Variants in GRXCR1 observed in about 807,000 individuals in gnomAD.
The protein encoded by GRXCR1 is glutaredoxin and cysteine rich domain containing 1.
In GRXCR1, 27 loss-of-function variants were observed where a neutral mutation model predicts 27.3. The ratio of observed to expected loss-of-function variants is 0.99; its 90% CI spans 0.73 to 1.37. The LOEUF (loss-of-function observed/expected upper bound fraction) is 1.37, where lower values mean the gene tolerates loss of function less well. Among genes scored for constraint, GRXCR1 ranks in the 40% most tolerant of loss-of-function variants. GRXCR1 has a pLI of 0.00. For missense variants in GRXCR1, 379 were observed against 354.4 expected, an observed-to-expected ratio of 1.07 and a Z score of -0.56; for synonymous variants, 122 against 131.1, an observed-to-expected ratio of 0.93 and a Z score of 0.47.
intron 2 of GRXCR1, among the ~76,000 whole-genome samples, chr4:42,998,697 C>T (rs1315134783): frequency 1.3e-5 from 2 of 152,314 alleles, no homozygotes; most frequent in East Asian, 3.9e-4. Context: ...CCAAACATTT[C>T]ATGTGTTCTG....
At chr4:42,952,188 T>C (rs1747897278) in intron 1 of GRXCR1, among the ~76,000 whole-genome samples, 1 of 152,156 alleles carries the variant, frequency 6.6e-6, no homozygotes, top group Non-Finnish European at 1.5e-5. Flanking sequence ...CCCAAACAAA[T>C]GTGAAGGGCA....
intron 2 of GRXCR1, among the ~76,000 whole-genome samples, chr4:43,015,868 T>C (rs1415533198): frequency 1.3e-5 from 2 of 152,090 alleles, no homozygotes; most frequent in Admixed American, 6.5e-5. Context: ...ATGTGAACTT[T>C]ATTTTTAGTC....
At chr4:43,021,693 A>G (rs189099179) in intron 3 of GRXCR1, among the ~76,000 whole-genome samples, 309 of 152,308 alleles carry the variant, frequency 2.0e-3, no homozygotes, top group Non-Finnish European at 3.5e-3. Flanking sequence ...TTGTGGTTCA[A>G]TGAGGATGAT....
At chr4:42,935,805 G>A (rs1747442811) in intron 1 of GRXCR1, among the ~76,000 whole-genome samples, 1 of 151,904 alleles carries the variant, frequency 6.6e-6, no homozygotes, top group African/African-American at 2.4e-5. Context: ...TTACTTGGAA[G>A]TCTAGTGTTC....
intron 1 of GRXCR1, among the ~76,000 whole-genome samples, chr4:42,913,270 C>T (rs143447279): frequency 1.3e-5 from 2 of 152,114 alleles, no homozygotes; most frequent in Non-Finnish European, 2.9e-5. Context: ...CAGAAGAAGA[C>T]AGGAAGATGT....
intron 2 of GRXCR1, among the ~76,000 whole-genome samples, chr4:42,987,993 T>C (rs955292707): frequency 3.9e-5 from 6 of 152,186 alleles, no homozygotes; most frequent in Non-Finnish European, 7.4e-5. Context: ...CTCCTTGCTC[T>C]TCTCATTGGG....
At chr4:42,907,400 G>A (rs990692391) in intron 1 of GRXCR1, among the ~76,000 whole-genome samples, 1 of 152,156 alleles carries the variant, frequency 6.6e-6, no homozygotes, top group African/African-American at 2.4e-5. Flanking sequence ...TTCCCACACT[G>A]CTGTTGGCTT....
intron 1 of GRXCR1, among the ~76,000 whole-genome samples, chr4:42,903,308 ATTTTTTTTTTTT>A (rs35512711): frequency 1.6e-5 from 1 of 63,176 alleles, no homozygotes; most frequent in African/African-American, 5.4e-5. Context: ...AGCTTTGTAG[ATTTTTTTTTTTT>A]TTTTTTTTTT....
intron 1 of GRXCR1, among the ~76,000 whole-genome samples, chr4:42,958,313 A>C (rs560909624): frequency 1.3e-5 from 2 of 152,044 alleles, no homozygotes; most frequent in African/African-American, 4.8e-5. Context: ...TTTTGAACAA[A>C]GGGACTAAGA....
At chr4:42,958,455 C>A (rs1040848338) in intron 1 of GRXCR1, among the ~76,000 whole-genome samples, 1 of 151,832 alleles carries the variant, frequency 6.6e-6, no homozygotes, top group African/African-American at 2.4e-5. Context: ...TATAAAACTC[C>A]TAGAAAACAT....
At chr4:42,903,380 C>T (rs1195875075) in intron 1 of GRXCR1, among the ~76,000 whole-genome samples, 6 of 131,642 alleles carry the variant, frequency 4.6e-5, no homozygotes, top group Admixed American at 2.6e-4. Context: ...GGCATGATCT[C>T]GGCTCACTGC....
intron 1 of GRXCR1, among the ~76,000 whole-genome samples, chr4:42,914,810 G>C (rs1359755603): frequency 6.6e-6 from 1 of 152,124 alleles, no homozygotes; most frequent in Non-Finnish European, 1.5e-5. Context: ...CTGGGACCAG[G>C]TGGAGATAAT....
At chr4:42,980,009 A>T (rs1298651863) in intron 2 of GRXCR1, among the ~76,000 whole-genome samples, 2 of 151,774 alleles carry the variant, frequency 1.3e-5, no homozygotes, top group Admixed American at 6.6e-5. Context: ...CAATTGTAAC[A>T]TCTCCTTTTT....
intron 1 of GRXCR1, among the ~76,000 whole-genome samples, chr4:42,953,336 A>G (rs939239539): frequency 6.6e-6 from 1 of 152,186 alleles, no homozygotes; most frequent in Admixed American, 6.5e-5. Context: ...CTAGAAAGCA[A>G]TAAGTCTTCC....
chr4:43,016,215 T>C (rs1172218786), intron 2 of GRXCR1, among the ~76,000 whole-genome samples: 1 of 152,204 alleles, frequency 6.6e-6, no homozygotes, highest in Non-Finnish European at 1.5e-5. Context: ...CAACCCAAAC[T>C]GCTATGCAGA....
intron 2 of GRXCR1, among the ~76,000 whole-genome samples, chr4:42,982,055 C>CTTT (rs200126018): frequency 1.0e-4 from 15 of 146,106 alleles, no homozygotes; most frequent in African/African-American, 3.0e-4. Flanking sequence ...CTTTCTCCTT[C>CTTT]TTTTTTTTTT....
chr4:42,957,939 T>C (rs1577920592), intron 1 of GRXCR1, among the ~76,000 whole-genome samples: 1 of 151,980 alleles, frequency 6.6e-6, no homozygotes, highest in Admixed American at 6.6e-5. Context: ...ATTTAATTCA[T>C]TTGATGATAT....
chr4:42,968,699 C>A (rs577359870), intron 2 of GRXCR1, among the ~76,000 whole-genome samples: 4 of 152,080 alleles, frequency 2.6e-5, no homozygotes, highest in African/African-American at 9.6e-5. Context: ...ACCTGTATTC[C>A]ATTCAGAAAT....
intron 1 of GRXCR1, among the ~76,000 whole-genome samples, chr4:42,924,612 A>G (rs1255993125): frequency 6.6e-6 from 1 of 152,076 alleles, no homozygotes; most frequent in Non-Finnish European, 1.5e-5. Flanking sequence ...AAATGTTTGG[A>G]AGACCCATTA....
Sources: gnomAD v4.1 joint callset for allele counts (sites outside exome capture counted in the v4.1 genomes callset) on GRCh38, gnomAD v4.1.1 for gene constraint, MANE v1.5 for transcripts, NCBI Gene and HGNC (gene_info 2026-07-23, HGNC 2026-07-21) for gene names.